Variants in CNOT7 observed in about 807,000 individuals in gnomAD.
CNOT7 encodes BTG1-binding factor 1.
CNOT7 carries 4 observed loss-of-function variants against 37.1 expected under a neutral mutation model. The ratio of observed to expected loss-of-function variants is 0.11; its 90% confidence interval spans 0.05 to 0.25. The LOEUF is 0.25. Among genes scored for constraint, CNOT7 ranks in the 10% least tolerant of loss-of-function variants. CNOT7 has a pLI of 1.00. For synonymous variants in CNOT7, 128 were observed against 115.6 expected (o/e 1.11, Z -0.69); for missense variants, 170 against 336.2 (o/e 0.51, Z 3.87).
rs1350386321 is a variant in CNOT7, at chr8:17,230,436, T to TATC, written c.*281_*283dup. On this transcript the variant is annotated 3_prime_UTR_variant, in exon 7 of 7. Coordinates refer to ENST00000361272, the MANE Select transcript of CNOT7 (RefSeq NM_013354.7). ...AAACCAAACTCAAGTCGGTAAAGTT[T>TATC]ATCAAAATATTCAATGATGTAGCTT... 4 of 202,782 alleles carry TATC rather than the reference T, an allele frequency of 2.0e-5. No individual in the cohort carries two copies. Among genetic ancestry groups the TATC allele is most frequent in the African/African-American group, 9.2e-5 (4 of 43,386 alleles). The allele number at this position is 202,782 out of a possible 1,614,324, so 12.6% of individuals were successfully genotyped here.
chr8:17,244,064 T>C (rs1810552279), intron 2 of CNOT7, among the ~76,000 whole-genome samples: 2 of 152,196 alleles, frequency 1.3e-5, no homozygotes, highest in East Asian at 3.8e-4. Flanking sequence ...CTAAATTCAG[T>C]GCAATTCAAC....
chr8:17,240,657 A>G (rs552139230), intron 3 of CNOT7, among the ~76,000 whole-genome samples: 1 of 152,354 alleles, frequency 6.6e-6, no homozygotes, highest in Admixed American at 6.5e-5. Context: ...TACTGAGATC[A>G]CAATAGTATC....
At chr8:17,237,990 A>T (rs1406323900) in intron 3 of CNOT7, among the ~76,000 whole-genome samples, 1 of 152,240 alleles carries the variant, frequency 6.6e-6, no homozygotes, top group African/African-American at 2.4e-5. Context: ...CAACAATCCT[A>T]TTCCTAAAAG....
At chr8:17,240,197 C>T (rs183385806) in intron 3 of CNOT7, among the ~76,000 whole-genome samples, 9 of 152,342 alleles carry the variant, frequency 5.9e-5, no homozygotes, top group Non-Finnish European at 1.0e-4. Context: ...ACTTCTTCTA[C>T]CTAATGTTTT....
intron 2 of CNOT7, 169 bp downstream of exon 2, chr8:17,244,867 A>T (rs1489392735): frequency 1.7e-6 from 1 of 586,856 alleles, no homozygotes; most frequent in Admixed American, 3.3e-5. Context: ...AACCTGTCAA[A>T]TCACAGGTGT....
At chr8:17,234,956 C>G in intron 4 of CNOT7, 96 bp from the exon 5 acceptor site, 1 of 1,001,888 alleles carries the variant, frequency 1.0e-6, no homozygotes, top group Non-Finnish European at 1.4e-6. Context: ...GCAAGTCACA[C>G]TAGAGCCCTC....
At chr8:17,242,928 A>C in intron 3 of CNOT7, 64 bp downstream of exon 3, 2 of 1,159,516 alleles carry the variant, frequency 1.7e-6, no homozygotes, top group Non-Finnish European at 2.4e-6. Context: ...CTTGAGGAAA[A>C]TCAATTCCTA....
intron 4 of CNOT7, among the ~76,000 whole-genome samples, chr8:17,236,373 C>T (rs1809359998): frequency 6.6e-6 from 1 of 152,150 alleles, no homozygotes; most frequent in South Asian, 2.1e-4. Context: ...TACTTTTAGT[C>T]CCTGGAACGT....
At chr8:17,241,268 T>C (rs1326728624) in intron 3 of CNOT7, 3 of 144,526 alleles carry the variant, frequency 2.1e-5, no homozygotes, top group African/African-American at 7.4e-5. Context: ...ATGCCTGGCT[T>C]AGTTTCATTT....
At position 17,230,763 on chromosome 8, in the gene CNOT7, C is replaced by T; in HGVS notation, c.815G>A (p.Gly272Asp). 6.2e-7 allele frequency: 1 copy of T among 1,608,440 alleles called. No individual in the cohort carries two copies. Among genetic ancestry groups the T allele is most frequent in the Non-Finnish European group, 8.5e-7 (1 of 1,176,798 alleles). ...LGSGSSYVQN[G>D]TGNAYEEEAN... Reference sequence around the variant, plus strand: ...TTCCTCTTCATATGCATTCCCTGTGCCATTCTGTACATAGGATGAACCAGA... The same window carrying T: ...TTCCTCTTCATATGCATTCCCTGTGTCATTCTGTACATAGGATGAACCAGA... The change falls in exon 7 of 7, where the codon GGC becomes GAC. Residue 272 changes from glycine to aspartate, a missense_variant. Transcript: ENST00000361272.
intron 2 of CNOT7, chr8:17,243,512 G>C (rs1439676723): frequency 4.1e-6 from 2 of 491,804 alleles, no homozygotes; most frequent in Non-Finnish European, 8.0e-6. Context: ...GATGCTCACA[G>C]TATTCCAATG....
At chr8:17,242,416 C>T (rs1810306377) in intron 3 of CNOT7, 1 of 152,020 alleles carries the variant, frequency 6.6e-6, no homozygotes, top group Non-Finnish European at 1.5e-5. Context: ...GGTGAAGACC[C>T]AGGGCTTGAG....
chr8:17,233,898 C>G (rs564183699), intron 5 of CNOT7, among the ~76,000 whole-genome samples: 1 of 152,066 alleles, frequency 6.6e-6, no homozygotes, highest in East Asian at 1.9e-4. Context: ...ACTAAAAATA[C>G]GAAATTTAGC....
intron 5 of CNOT7, among the ~76,000 whole-genome samples, chr8:17,233,028 T>C (rs1425627089): frequency 6.6e-6 from 1 of 152,210 alleles, no homozygotes; most frequent in East Asian, 1.9e-4. Flanking sequence ...TCACTATGGT[T>C]TTCTTAGTTA....
At chr8:17,240,343 C>T (rs1188998993) in intron 3 of CNOT7, among the ~76,000 whole-genome samples, 1 of 148,004 alleles carries the variant, frequency 6.8e-6, no homozygotes, top group Non-Finnish European at 1.5e-5. Context: ...TTTCTTAAAA[C>T]ATTTTGAGAT....
chr8:17,231,996 C>G (rs1017178757), intron 6 of CNOT7: 1 of 995,468 alleles, frequency 1.0e-6, no homozygotes, highest in Admixed American at 6.1e-5. Context: ...TATTTATCAC[C>G]AGTTTAAACC....
chr8:17,240,352 A>ACT (rs1554478105), intron 3 of CNOT7, among the ~76,000 whole-genome samples: 2 of 146,598 alleles, frequency 1.4e-5, no homozygotes, highest in Admixed American at 6.8e-5. Context: ...ACATTTTGAG[A>ACT]TTTTTTTTTT....
At chr8:17,241,734 G>A (rs1387723878) in intron 3 of CNOT7, 2 of 152,126 alleles carry the variant, frequency 1.3e-5, no homozygotes, top group African/African-American at 4.8e-5. Flanking sequence ...TAAGCCAAAA[G>A]ATGGATAACG....
Position 17,237,242 on chromosome 8 carries a change from C to G in CNOT7, c.443G>C (p.Cys148Ser). 1.2e-6 allele frequency: 2 copies of G among 1,614,140 alleles called. No homozygotes were observed. The highest frequency in any genetic ancestry group is 1.1e-5 in the South Asian group (1 of 91,082). The change falls in exon 4 of 7, where the codon TGT (cysteine) becomes TCT (serine). Residue 148 changes from cysteine (C) to serine (S), a missense_variant. Physicochemically the swap from Cys to Ser is moderately radical, Grantham distance 112. Around this residue, in one of 6 missense-constraint regions of CNOT7, gnomAD observed 68 missense variants for 151.1 expected, o/e 0.45. Transcript: ENST00000361272. Reference protein sequence around the residue: ...ELLMTSGVVLCEGVKWLSFHS... With the variant: ...ELLMTSGVVLSEGVKWLSFHS... ...AAATGACAACCATTTGACCCCTTCA[C>G]AGAGGACCACTCCAGAAGTCATAAG...
Sources: gnomAD v4.1 joint callset for allele counts (sites outside exome capture counted in the v4.1 genomes callset) on GRCh38, gnomAD v4.1.1 for gene constraint, gnomAD v4.1.1 regional missense constraint, MANE v1.5 for transcripts, NCBI Gene and HGNC (gene_info 2026-07-23, HGNC 2026-07-21) for gene names.